CNTNAP2: variants seen among roughly 807,000 people sequenced by gnomAD.
CNTNAP2 encodes the protein contactin associated protein 2, also known as contactin-associated protein-like 2.
CNTNAP2 carries 98 observed loss-of-function variants against 155.2 expected under a neutral mutation model. The ratio of observed to expected loss-of-function variants is 0.63; its 90% CI spans 0.54 to 0.75. The LOEUF is 0.75. Among genes scored for constraint, CNTNAP2 ranks in the 30% least tolerant of loss-of-function variants. The pLI is 0.00. For missense variants in CNTNAP2, 1,727 were observed against 1,688.1 expected (o/e 1.02, Z -0.40); for synonymous variants, 651 against 631.2 (o/e 1.03, Z -0.47).
intron 3 of CNTNAP2, among the ~76,000 whole-genome samples, chr7:146,954,362 T>C (rs1797388957): frequency 6.6e-6 from 1 of 151,898 alleles, no homozygotes; most frequent in Non-Finnish European, 1.5e-5. Flanking sequence ...GCTGCACTAA[T>C]GGCTCATTAA....
At chr7:147,472,790 C>T (rs1212461062) in intron 10 of CNTNAP2, among the ~76,000 whole-genome samples, 2 of 152,124 alleles carry the variant, frequency 1.3e-5, no homozygotes, top group African/African-American at 4.8e-5. Context: ...GTGCCATGAA[C>T]TGTGATGAGG....
intron 1 of CNTNAP2, among the ~76,000 whole-genome samples, chr7:146,250,388 T>C (rs1176050751): frequency 6.6e-6 from 1 of 152,216 alleles, no homozygotes; most frequent in Admixed American, 6.5e-5. Context: ...ACCACTGCAC[T>C]GACCTTTAGC....
chr7:146,182,093 C>G (rs1798557458), intron 1 of CNTNAP2, among the ~76,000 whole-genome samples: 1 of 151,616 alleles, frequency 6.6e-6, no homozygotes, highest in Non-Finnish European at 1.5e-5. Flanking sequence ...AATGTAGAAA[C>G]AATACTTTAT....
rs79993009 is a variant in CNTNAP2, at chr7:146,998,752, G to A, written c.403-45155G>A. ...TTTATAATTATTATATCATCTTATC[G>A]AATTGACTACTTTATAATGACCTTT... On this transcript the variant is annotated intron_variant, in intron 3 of 23. Transcript: ENST00000361727. Among the ~76,000 whole-genome samples, 705 of 151,764 alleles carry A rather than the reference G, an allele frequency of 4.6e-3. 8 individuals are homozygous for A. Among genetic ancestry groups the A allele is most frequent in the Non-Finnish European group, 4.7e-3 (322 of 67,866 alleles).
intron 9 of CNTNAP2, among the ~76,000 whole-genome samples, chr7:147,321,173 C>G (rs1475087295): frequency 6.6e-6 from 1 of 152,178 alleles, no homozygotes; most frequent in African/African-American, 2.4e-5. Context: ...TTGCACCTCC[C>G]TCCTTTTCTT....
In CNTNAP2 at chr7:147,583,503, C is replaced by CATATATATAT. The variant is rs71183019; in HGVS notation, c.1897+21266_1897+21275dup. ...TTATATATATATATAAAAGACATGA[C>CATATATATAT]ATATATATATATATATATATATATA... On this transcript the variant is annotated intron_variant, in intron 12 of 23. Coordinates refer to ENST00000361727, the MANE Select transcript of CNTNAP2 (RefSeq NM_014141.6). Among the ~76,000 whole-genome samples, 1,195 of 129,036 alleles carry CATATATATAT rather than the reference C, an allele frequency of 9.3e-3. 16 individuals are homozygous for CATATATATAT. Among genetic ancestry groups the CATATATATAT allele is most frequent in the African/African-American group, 0.026 (868 of 33,128 alleles). The allele number at this position is 129,036 out of a possible 152,430, so 84.7% of individuals were successfully genotyped here. A position where few individuals can be genotyped will look rare whatever the true frequency, so the allele number is the denominator to read the frequency against.
chr7:146,847,201 G>C (rs867501063), intron 3 of CNTNAP2, among the ~76,000 whole-genome samples: 6 of 152,072 alleles, frequency 3.9e-5, no homozygotes, highest in Middle Eastern at 3.2e-3. Flanking sequence ...TAAGATGTAT[G>C]TTTCTACTCT....
chr7:146,965,027 A>C (rs1276269558), intron 3 of CNTNAP2, among the ~76,000 whole-genome samples: 1 of 152,252 alleles, frequency 6.6e-6, no homozygotes, highest in African/African-American at 2.4e-5. Flanking sequence ...ATATGATATA[A>C]ATCAAAGAAG....
intron 1 of CNTNAP2, among the ~76,000 whole-genome samples, chr7:146,572,819 G>A (rs1465720994): frequency 1.3e-5 from 2 of 151,972 alleles, no homozygotes; most frequent in Admixed American, 6.6e-5. Context: ...CAAAAGTAAC[G>A]ATATTCTATA....
intron 1 of CNTNAP2, among the ~76,000 whole-genome samples, chr7:146,247,105 G>T (rs541623105): frequency 3.9e-5 from 6 of 152,092 alleles, no homozygotes; most frequent in African/African-American, 1.2e-4. Flanking sequence ...AGAATAAGAC[G>T]GCCTTTTGAC....
In CNTNAP2 at chr7:147,778,341, T is replaced by C. The variant is rs139080584; in HGVS notation, c.2099-125224T>C. On this transcript the variant is annotated intron_variant, in intron 13 of 23. Transcript: ENST00000361727. ...TGTAAATACTAAAACACAAGTTACT[T>C]TCTTGTCATCATGCTATAGTCTTCA... Among the ~76,000 whole-genome samples, 663 of 152,376 alleles carry C rather than the reference T, an allele frequency of 4.4e-3. 5 individuals carry two copies. The highest frequency in any genetic ancestry group is 9.3e-3 in the South Asian group (45 of 4,830).
chr7:147,257,576 T>C (rs377504048), intron 8 of CNTNAP2, among the ~76,000 whole-genome samples: 1 of 152,244 alleles, frequency 6.6e-6, no homozygotes, highest in Admixed American at 6.5e-5. Flanking sequence ...ACCACATGTA[T>C]GGAACTCCAA....
At chr7:146,918,107 C>T (rs1262481322) in intron 3 of CNTNAP2, among the ~76,000 whole-genome samples, 2 of 152,128 alleles carry the variant, frequency 1.3e-5, no homozygotes, top group Non-Finnish European at 2.9e-5. Flanking sequence ...AAGACAGCAG[C>T]TACTTGGTTG....
chr7:146,349,268 G>A (rs1338694697), intron 1 of CNTNAP2, among the ~76,000 whole-genome samples: 1 of 138,702 alleles, frequency 7.2e-6, no homozygotes, highest in Non-Finnish European at 1.5e-5. Flanking sequence ...TCATACATAG[G>A]TGTCCGGTAC....
chr7:146,398,559 A>G (rs1328021427), intron 1 of CNTNAP2, among the ~76,000 whole-genome samples: 1 of 152,136 alleles, frequency 6.6e-6, no homozygotes, highest in African/African-American at 2.4e-5. Context: ...CATCAACCGG[A>G]ATCTTGTATT....
chr7:146,426,480 C>T (rs543914841), intron 1 of CNTNAP2, among the ~76,000 whole-genome samples: 2 of 150,394 alleles, frequency 1.3e-5, no homozygotes, highest in Non-Finnish European at 3.0e-5. Flanking sequence ...TATAAACACA[C>T]ACACATATAC....
intron 2 of CNTNAP2, among the ~76,000 whole-genome samples, chr7:146,797,073 T>C (rs933679341): frequency 6.6e-6 from 1 of 152,062 alleles, no homozygotes; most frequent in Non-Finnish European, 1.5e-5. Flanking sequence ...GAGGTGGAGC[T>C]TGCAGTGAGC....
chr7:146,605,088 A>AC (rs1491349179), intron 1 of CNTNAP2, among the ~76,000 whole-genome samples: 2 of 75,242 alleles, frequency 2.7e-5, no homozygotes, highest in Non-Finnish European at 4.8e-5. Context: ...AAAAAACAAC[A>AC]AAAAAAAAAA....
intron 20 of CNTNAP2, among the ~76,000 whole-genome samples, chr7:148,234,586 C>T (rs1796015921): frequency 6.6e-6 from 1 of 152,154 alleles, no homozygotes; most frequent in Non-Finnish European, 1.5e-5. Flanking sequence ...GTATTTGTTA[C>T]AAGGCTGTTA....
Sources: gnomAD v4.1 joint callset for allele counts (sites outside exome capture counted in the v4.1 genomes callset) on GRCh38, gnomAD v4.1.1 for gene constraint, MANE v1.5 for transcripts, NCBI Gene and HGNC (gene_info 2026-07-23, HGNC 2026-07-21) for gene names.